Variants in PID1 observed in about 807,000 individuals in gnomAD.
The protein encoded by PID1 is phosphotyrosine interaction domain containing 1, also known as PTB-containing, cubilin and LRP1-interacting protein.
PID1 carries 10 observed loss-of-function variants against 19.1 expected under a neutral mutation model. That is an observed-to-expected ratio of 0.52 (90% CI 0.32 to 0.89). The LOEUF (loss-of-function observed/expected upper bound fraction) is 0.89. Ranked by LOEUF, PID1 falls within the 40% of genes least tolerant of loss-of-function variation. PID1 has a pLI of 0.03. For missense variants in PID1, 248 were observed against 285.3 expected (o/e 0.87, Z 0.94); for synonymous variants, 130 against 116.0 (o/e 1.12, Z -0.78).
intron 2 of PID1, among the ~76,000 whole-genome samples, chr2:229,074,905 T>G (rs916803700): frequency 7.4e-4 from 112 of 152,338 alleles, no homozygotes; most frequent in African/African-American, 2.6e-3. Context: ...ATATTACATA[T>G]TTTTTCTCTC....
chr2:229,163,204 A>G (rs770565250), intron 1 of PID1, among the ~76,000 whole-genome samples: 8 of 152,214 alleles, frequency 5.3e-5, no homozygotes, highest in African/African-American at 1.9e-4. Context: ...TCTAGCAGGC[A>G]TATACAAAAT....
chr2:229,041,381 C>A (rs1363549911), intron 2 of PID1, among the ~76,000 whole-genome samples: 1 of 152,130 alleles, frequency 6.6e-6, no homozygotes, highest in Admixed American at 6.5e-5. Context: ...GTAATGATTA[C>A]AACCCACAGA....
At chr2:229,261,123 C>T (rs1452230595) in intron 1 of PID1, among the ~76,000 whole-genome samples, 1 of 151,980 alleles carries the variant, frequency 6.6e-6, no homozygotes, top group Non-Finnish European at 1.5e-5. Flanking sequence ...TAAGGAATGC[C>T]AAAGGTTGCC....
At chr2:229,089,049 G>A (rs570827479) in intron 2 of PID1, among the ~76,000 whole-genome samples, 8 of 152,252 alleles carry the variant, frequency 5.3e-5, no homozygotes, top group African/African-American at 1.9e-4. Context: ...TTGGCAACCA[G>A]AAGATAGGAA....
intron 2 of PID1, among the ~76,000 whole-genome samples, chr2:229,143,042 TGTAGG>T (rs1315072569): frequency 3.2e-4 from 47 of 148,052 alleles, no homozygotes; most frequent in African/African-American, 1.2e-3. Flanking sequence ...TCATGTCCTT[TGTAGG>T]GACATGGATG....
chr2:229,208,952 A>G (rs918066236), intron 1 of PID1, among the ~76,000 whole-genome samples: 5 of 152,186 alleles, frequency 3.3e-5, no homozygotes, highest in African/African-American at 1.2e-4. Context: ...CTGGAGAGTA[A>G]GAGTGGGGGG....
At chr2:229,232,399 T>C (rs138902449) in intron 1 of PID1, among the ~76,000 whole-genome samples, 154 of 120,336 alleles carry the variant, frequency 1.3e-3, no homozygotes, top group African/African-American at 4.8e-3. Context: ...GCCACTGTAC[T>C]CTAGCCTGGG....
chr2:229,069,419 A>G (rs2106200725), intron 2 of PID1, among the ~76,000 whole-genome samples: 1 of 152,172 alleles, frequency 6.6e-6, no homozygotes, highest in East Asian at 1.9e-4. Flanking sequence ...GAGATGAGTC[A>G]CAGGGCCAGA....
intron 1 of PID1, among the ~76,000 whole-genome samples, chr2:229,234,993 G>C (rs1472255377): frequency 2.6e-5 from 4 of 152,130 alleles, no homozygotes; most frequent in Non-Finnish European, 5.9e-5. Context: ...TTTATTTTGA[G>C]TACTGAAATA....
intron 2 of PID1, among the ~76,000 whole-genome samples, chr2:229,142,603 C>G (rs536929376): frequency 2.0e-5 from 3 of 152,134 alleles, no homozygotes; most frequent in Non-Finnish European, 2.9e-5. Flanking sequence ...AAATGCTCAT[C>G]ATCACTGGCC....
At chr2:229,142,818 C>A (rs1339906399) in intron 2 of PID1, among the ~76,000 whole-genome samples, 4 of 152,000 alleles carry the variant, frequency 2.6e-5, no homozygotes, top group Non-Finnish European at 5.9e-5. Context: ...ACTAGAAATA[C>A]CATTTGACCC....
chr2:229,265,323 T>C (rs79732650), intron 1 of PID1, among the ~76,000 whole-genome samples: 2,595 of 152,316 alleles, frequency 0.017, 40 homozygotes, highest in South Asian at 0.035. Flanking sequence ...GCATCAGCAT[T>C]AAGTGGAAGA....
intron 2 of PID1, among the ~76,000 whole-genome samples, chr2:229,094,170 C>G (rs897206069): frequency 6.6e-5 from 10 of 151,996 alleles, no homozygotes; most frequent in Admixed American, 6.6e-4. Flanking sequence ...GAAATCAAAT[C>G]AAGAACTCAA....
chr2:229,028,858 C>A (rs1345385889), intron 2 of PID1, among the ~76,000 whole-genome samples: 1 of 152,162 alleles, frequency 6.6e-6, no homozygotes, highest in African/African-American at 2.4e-5. Flanking sequence ...TACGAAGTTA[C>A]CCTAGCCATC....
At chr2:229,191,009 A>G (rs565709957) in intron 1 of PID1, among the ~76,000 whole-genome samples, 1 of 152,340 alleles carries the variant, frequency 6.6e-6, no homozygotes, top group South Asian at 2.1e-4. Context: ...GTATGTTACT[A>G]GGGAAAAAAT....
At chr2:229,133,387 T>C (rs996046998) in intron 2 of PID1, among the ~76,000 whole-genome samples, 3 of 152,366 alleles carry the variant, frequency 2.0e-5, no homozygotes, top group East Asian at 1.9e-4. Flanking sequence ...CTTCATTCCC[T>C]GTGACTTGAG....
Position 229,271,238 on chromosome 2 carries a change from G to T in PID1, c.-195C>A. ...CGCGGCGCTCAGCTGCCGGCAACTT[G>T]TGGGCACGGCCGCGCGCCGGCTGTC... On this transcript the variant is annotated 5_prime_UTR_variant, in exon 1 of 3. Coordinates refer to ENST00000392055, the MANE Select transcript of PID1 (RefSeq NM_001100818.2). The T allele has an allele frequency of 2.0e-6, 1 of 504,086 alleles. No individual in the cohort carries two copies. Among genetic ancestry groups the T allele is most frequent in the Non-Finnish European group, 3.4e-6 (1 of 291,496 alleles). 31.2% of individuals were successfully genotyped at this position (504,086 alleles called of 1,614,324 possible). A position where few individuals can be genotyped will look rare whatever the true frequency, so the allele number is the denominator to read the frequency against.
chr2:229,036,087 T>C (rs1270142814), intron 2 of PID1, among the ~76,000 whole-genome samples: 1 of 152,212 alleles, frequency 6.6e-6, no homozygotes, highest in African/African-American at 2.4e-5. Context: ...CTATGCTGGT[T>C]ATTACCCTGC....
At chr2:229,195,127 T>C (rs928539274) in intron 1 of PID1, among the ~76,000 whole-genome samples, 4 of 151,894 alleles carry the variant, frequency 2.6e-5, no homozygotes, top group Non-Finnish European at 5.9e-5. Context: ...TTTCAGGTTT[T>C]AGAGATTATA....
Sources: allele counts gnomAD v4.1 joint callset (sites outside exome capture counted in the v4.1 genomes callset), GRCh38; gene constraint gnomAD v4.1.1; transcripts MANE v1.5; gene names NCBI Gene and HGNC (gene_info 2026-07-23, HGNC 2026-07-21).